CIBAR2: variants seen among roughly 807,000 people sequenced by gnomAD.
The protein encoded by CIBAR2 is CBY1 interacting BAR domain containing 2.
CIBAR2 carries 38 observed loss-of-function variants against 36.2 expected under a neutral mutation model. That is an observed-to-expected ratio of 1.05 (90% CI 0.81 to 1.38). CIBAR2 has a LOEUF of 1.38. Ranked by LOEUF, CIBAR2 falls within the 40% of genes most tolerant of loss-of-function variation. The pLI is 0.00. For synonymous variants in CIBAR2, 182 were observed against 149.5 expected (o/e 1.22, Z -1.58); for missense variants, 481 against 383.4 (o/e 1.25, Z -2.13).
chr16:85,109,000 C>A (rs2144174754), intron 2 of CIBAR2, among the ~76,000 whole-genome samples: 1 of 152,336 alleles, frequency 6.6e-6, no homozygotes, highest in East Asian at 1.9e-4. Flanking sequence ...CACCCTGTCT[C>A]CTGGTGCCCT....
chr16:85,107,804 C>T, intron 4 of CIBAR2, 42 bp downstream of exon 4: 1 of 1,582,088 alleles, frequency 6.3e-7, no homozygotes, highest in Non-Finnish European at 8.7e-7. Flanking sequence ...GAGTGGACAC[C>T]CTGGCCCGGC....
intron 5 of CIBAR2, among the ~76,000 whole-genome samples, chr16:85,106,044 G>T (rs1468528568): frequency 1.3e-5 from 2 of 152,174 alleles, no homozygotes; most frequent in African/African-American, 4.8e-5. Flanking sequence ...TTTGTGAAAC[G>T]CCTGAGATGG....
intron 2 of CIBAR2, 123 bp from the exon 3 acceptor site, chr16:85,108,222 C>A: frequency 2.4e-6 from 2 of 836,318 alleles, no homozygotes; most frequent in East Asian, 2.6e-5. Flanking sequence ...GGAGGTGGAG[C>A]GCGAGGTGCC....
intron 2 of CIBAR2, 36 bp downstream of exon 2, chr16:85,110,190 C>A: frequency 6.7e-7 from 1 of 1,484,576 alleles, no homozygotes; most frequent in South Asian, 1.3e-5. Flanking sequence ...GCCTGGGTAC[C>A]CCTCAGCATC....
intron 5 of CIBAR2, among the ~76,000 whole-genome samples, chr16:85,106,060 G>T (rs2073993603): frequency 6.6e-6 from 1 of 152,238 alleles, no homozygotes; most frequent in South Asian, 2.1e-4. Context: ...GATGGGAAGA[G>T]ACAGCTGGGG....
rs2073928238 is a variant in CIBAR2, at chr16:85,098,533, A to G, written c.*652T>C. 1 of 986,214 alleles carries G rather than the reference A, an allele frequency of 1.0e-6. No homozygotes were observed. 61.1% of individuals were successfully genotyped at this position (986,214 alleles called of 1,614,324 possible). ...AGAGCCCACCTGAGGATCCAAGGCCAGCTAAGTTCTTCTGACTGTTGTGGG... is the reference window on the plus strand; with the variant it reads ...AGAGCCCACCTGAGGATCCAAGGCCGGCTAAGTTCTTCTGACTGTTGTGGG... On this transcript the variant is annotated 3_prime_UTR_variant, in exon 9 of 9. Transcript: ENST00000539556.
In CIBAR2 at chr16:85,110,349, G is replaced by A. The variant is rs1017051416; in HGVS notation, c.132C>T (p.Asp44=). The change falls in exon 2 of 9, where the codon GAC becomes GAT. Residue 44 remains aspartate, a synonymous_variant. Transcript: ENST00000539556. ...GCTGCTTGACCAGCTGGTCCGCCTT[G>A]TCCCGCAGCCGGGCCGTCTTGCGCG... ...AYTRKTARLR[D]KADQLVKQLI... is the part of the protein sequence containing the mutation. The A allele has an allele frequency of 3.1e-6, 5 of 1,613,512 alleles. No individual in the cohort carries two copies. Among genetic ancestry groups the A allele is most frequent in the Non-Finnish European group, 4.2e-6 (5 of 1,179,818 alleles).
At chr16:85,099,390 T>C (rs2073936566) in intron 8 of CIBAR2, 44 bp from the exon 9 acceptor site, 1 of 1,103,650 alleles carries the variant, frequency 9.1e-7, no homozygotes, top group Non-Finnish European at 1.4e-6. Flanking sequence ...TTCCTGGGGC[T>C]GTAAGGTAAC....
intron 5 of CIBAR2, among the ~76,000 whole-genome samples, chr16:85,106,307 G>A (rs2073995454): frequency 6.6e-6 from 1 of 152,144 alleles, no homozygotes; most frequent in Non-Finnish European, 1.5e-5. Flanking sequence ...TGGATGCCAG[G>A]TGGTAGGTAG....
intron 1 of CIBAR2, 83 bp from the exon 2 acceptor site, chr16:85,110,543 A>C: frequency 9.4e-7 from 1 of 1,063,596 alleles, no homozygotes; most frequent in Non-Finnish European, 1.3e-6. Context: ...TAGCTATGAA[A>C]ACAGGAGCTG....
rs768027256 is a variant in CIBAR2, at chr16:85,102,317, C to CA, written c.547dup (p.Cys183LeufsTer2). On this transcript the variant is annotated frameshift_variant, in exon 7 of 9. Transcript: ENST00000539556. LOFTEE classifies it high-confidence loss of function. ...AACCATCTCAATAGTTACAAAGTCA[C>CA]AAAAAAATTTCTGTGGGGAGAGAAA... 1.4e-5 allele frequency: 22 copies of CA among 1,608,214 alleles called. No homozygotes were observed. The highest frequency in any genetic ancestry group is 1.6e-4 in the Middle Eastern group (1 of 6,062).
chr16:85,105,435 G>A lies in CIBAR2; in HGVS notation c.433-4C>T, dbSNP rs770608755. ...CCCTCTGCACTCTGGTCTCTGCCTG[G>A]CCCCAGGGACACAAGACGTAGAAAG... On this transcript the variant is annotated splice_polypyrimidine_tract_variant and splice_region_variant and intron_variant, in intron 5 of 8. Coordinates refer to ENST00000539556, the MANE Select transcript of CIBAR2 (RefSeq NM_198491.3). 8 of 1,610,248 alleles carry A rather than the reference G, an allele frequency of 5.0e-6. No individual in the cohort carries two copies. The highest frequency in any genetic ancestry group is 1.7e-5 in the Admixed American group (1 of 59,982).
intron 2 of CIBAR2, among the ~76,000 whole-genome samples, chr16:85,109,426 G>C (rs1267005240): frequency 6.6e-6 from 1 of 152,226 alleles, no homozygotes; most frequent in Non-Finnish European, 1.5e-5. Flanking sequence ...CTGGAGAAGA[G>C]AGTGCCGTTT....
At position 85,102,220 on chromosome 16, in the gene CIBAR2, A is replaced by C; in HGVS notation, c.645T>G (p.Asp215Glu). Residue 215 changes from aspartate (D) to glutamate (E), a missense_variant, in exon 7 of 9, where the codon GAT (aspartate) becomes GAG (glutamate). Physicochemically the swap from Asp to Glu is conservative, Grantham distance 45. Transcript: ENST00000539556. ...QTLEKYDLER[D>E]LLDFRAKMQG... ...CGGGGTGTCTGTGACTCACCAGTAG[A>C]TCCCTCTCCAGGTCATACTTCTCCA... 1 of 1,576,134 alleles carries C rather than the reference A, an allele frequency of 6.3e-7. No homozygotes were observed. Among genetic ancestry groups the C allele is most frequent in the South Asian group, 1.1e-5 (1 of 90,364 alleles).
At chr16:85,103,573 A>C (rs2073971744) in intron 6 of CIBAR2, among the ~76,000 whole-genome samples, 1 of 152,212 alleles carries the variant, frequency 6.6e-6, no homozygotes, top group Admixed American at 6.5e-5. Flanking sequence ...CGTGTGGTCC[A>C]TGCTCCCTGG....
At chr16:85,100,272 C>T (rs371033693) in intron 7 of CIBAR2, 32 bp from the exon 8 acceptor site, 31 of 1,478,390 alleles carry the variant, frequency 2.1e-5, no homozygotes, top group Middle Eastern at 3.4e-4. Context: ...GGGTGGGATC[C>T]GATGGGAAAA....
chr16:85,108,183 G>T (rs76073304), intron 2 of CIBAR2, 84 bp from the exon 3 acceptor site: 2 of 1,307,474 alleles, frequency 1.5e-6, no homozygotes, highest in African/African-American at 1.5e-5. Context: ...GCCGGCACCC[G>T]GGAGCCGCGT....
intron 7 of CIBAR2, 133 bp downstream of exon 7, chr16:85,102,081 C>T (rs1725727103): frequency 8.1e-6 from 5 of 617,462 alleles, no homozygotes; most frequent in Non-Finnish European, 1.5e-5. Flanking sequence ...ATTGACAACG[C>T]TTCATCAGCA....
intron 2 of CIBAR2, 21 bp downstream of exon 2, chr16:85,110,205 A>T: frequency 5.9e-6 from 9 of 1,527,102 alleles, no homozygotes; most frequent in Non-Finnish European, 8.0e-6. Context: ...AGCATCCCAG[A>T]CCCGGGCCGG....
Sources: gnomAD v4.1 joint callset for allele counts (sites outside exome capture counted in the v4.1 genomes callset) on GRCh38, gnomAD v4.1.1 for gene constraint, MANE v1.5 for transcripts, NCBI Gene and HGNC (gene_info 2026-07-23, HGNC 2026-07-21) for gene names.